CMKLR1: variants seen among roughly 807,000 people sequenced by gnomAD.
CMKLR1 encodes chemerin chemokine-like receptor 1, also known as chemerin-like receptor 1.
A neutral mutation model predicts 8.2 loss-of-function variants in CMKLR1; 6 were observed. That is an observed-to-expected ratio of 0.73 (90% CI 0.40 to 1.44). CMKLR1 has a LOEUF of 1.44. CMKLR1 is among the 40% of genes most tolerant of loss of function. The pLI is 0.02. For missense variants in CMKLR1, 429 were observed against 478.0 expected, an observed-to-expected ratio of 0.90 and a Z score of 0.96; for synonymous variants, 178 against 181.2, an observed-to-expected ratio of 0.98 and a Z score of 0.14.
At chr12:108,295,492 C>G (rs779081305) in intron 2 of CMKLR1, among the ~76,000 whole-genome samples, 58 of 152,320 alleles carry the variant, frequency 3.8e-4, no homozygotes, top group Non-Finnish European at 7.4e-4. Context: ...GGTCCCTTCC[C>G]AAAAGGAGCT....
chr12:108,312,242 C>A (rs1419620305), intron 2 of CMKLR1, among the ~76,000 whole-genome samples: 1 of 152,358 alleles, frequency 6.6e-6, no homozygotes, highest in East Asian at 1.9e-4. Flanking sequence ...GGAACCAGGA[C>A]TTGAACTCAG....
intron 2 of CMKLR1, among the ~76,000 whole-genome samples, chr12:108,296,244 G>A (rs971801680): frequency 5.9e-5 from 9 of 152,240 alleles, no homozygotes; most frequent in Non-Finnish European, 1.2e-4. Flanking sequence ...GGGCAAGTCA[G>A]TTACCTTCTT....
At chr12:108,316,544 ACC>A in intron 2 of CMKLR1, among the ~76,000 whole-genome samples, 1 of 152,238 alleles carries the variant, frequency 6.6e-6, no homozygotes, top group African/African-American at 2.4e-5. Flanking sequence ...AGGAAGAGAG[ACC>A]CAGAGGCAAG....
rs966859461 is a variant in CMKLR1 at position 108,313,912 on chromosome 12, C to A, written c.-74+16083G>T. Among the ~76,000 whole-genome samples the A allele has an allele frequency of 2.6e-5, 4 of 152,270 alleles. No homozygotes were observed. The East Asian group carries it at 5.8e-4, about 22-fold the overall frequency. ...GGCCCCTGGAGTCACACAGGACAAG[C>A]CAGCCACCTCCCTCCCCAGGCAGCA... is the stretch of plus-strand genomic sequence containing the variant. On this transcript the variant is annotated intron_variant, in intron 2 of 3. Transcript: ENST00000550402.
rs1432921366 is a variant in CMKLR1, at chr12:108,292,680, G to A, written c.283C>T (p.His95Tyr). 8 of 1,614,064 alleles carry A rather than the reference G, an allele frequency of 5.0e-6. No homozygotes were observed. Residue 95 changes from histidine (H) to tyrosine (Y), a missense_variant, in exon 4 of 4, where the codon CAT (histidine) becomes TAT (tyrosine). By Grantham distance (83) the His-to-Tyr change is moderately conservative. Coordinates refer to ENST00000550402, the MANE Select transcript of CMKLR1 (RefSeq NM_001142343.2). ...DFLFNVFLPI[H>Y]ITYAAMDYHW... Reference sequence around the variant, plus strand: ...TAGTCCATGGCGGCATAGGTGATATGGATTGGGAGGAAGACGTTGAACAGG... The same window carrying A: ...TAGTCCATGGCGGCATAGGTGATATAGATTGGGAGGAAGACGTTGAACAGG...
intron 2 of CMKLR1, among the ~76,000 whole-genome samples, chr12:108,326,037 G>A (rs966851467): frequency 2.1e-4 from 32 of 152,228 alleles, no homozygotes; most frequent in African/African-American, 3.9e-4. Flanking sequence ...ACTCACCTCC[G>A]TGACCTCCCA....
chr12:108,306,083 C>G (rs2137310409), intron 2 of CMKLR1, among the ~76,000 whole-genome samples: 1 of 152,364 alleles, frequency 6.6e-6, no homozygotes, highest in East Asian at 1.9e-4. Flanking sequence ...AGATCCCTGT[C>G]TGTTCTGTGC....
At chr12:108,301,316 T>A (rs1474807976) in intron 2 of CMKLR1, among the ~76,000 whole-genome samples, 3 of 151,818 alleles carry the variant, frequency 2.0e-5, no homozygotes, top group Admixed American at 2.0e-4. Context: ...ACCTTATAGA[T>A]CCACCCACTT....
chr12:108,321,663 A>C (rs1171231979), intron 2 of CMKLR1, among the ~76,000 whole-genome samples: 2 of 152,080 alleles, frequency 1.3e-5, no homozygotes, highest in African/African-American at 4.8e-5. Flanking sequence ...TCCAGATCAG[A>C]ACCCACTGCA....
Position 108,291,616 on chromosome 12 carries a change from G to A in CMKLR1, c.*225C>T. ...GAGTCAGTCAAGGCTGGCCTCCCAAGAAGCATAAATTGCTAGTCCAAGGCT... is the reference window on the plus strand; with the variant it reads ...GAGTCAGTCAAGGCTGGCCTCCCAAAAAGCATAAATTGCTAGTCCAAGGCT... On this transcript the variant is annotated 3_prime_UTR_variant, in exon 4 of 4. Coordinates refer to ENST00000550402, the MANE Select transcript of CMKLR1 (RefSeq NM_001142343.2). 3.8e-6 allele frequency: 2 copies of A among 528,534 alleles called. No individual in the cohort carries two copies. The highest frequency in any genetic ancestry group is 5.7e-5 in the South Asian group (2 of 35,120). 32.7% of individuals were successfully genotyped at this position (528,534 alleles called of 1,614,324 possible).
At chr12:108,298,769 G>C (rs1369733259) in intron 2 of CMKLR1, among the ~76,000 whole-genome samples, 3 of 152,232 alleles carry the variant, frequency 2.0e-5, no homozygotes, top group East Asian at 3.8e-4. Flanking sequence ...CCATTCTCCA[G>C]GCCCAGCACC....
chr12:108,337,448 G>A (rs1437716349), intron 1 of CMKLR1, among the ~76,000 whole-genome samples: 1 of 152,150 alleles, frequency 6.6e-6, no homozygotes, highest in Non-Finnish European at 1.5e-5. Flanking sequence ...TTGTGCAGGG[G>A]ACTGAGGATG....
Position 108,304,949 on chromosome 12 carries a change from C to T in CMKLR1, c.-73-11285G>A, listed in dbSNP as rs138747103. ...CATCAGGGAAACTGGAAACATTCCT[C>T]GCTCTGCAAATGACCATGTTTGGCC... is the stretch of plus-strand genomic sequence containing the variant. On this transcript the variant is annotated intron_variant, in intron 2 of 3. Transcript: ENST00000550402. Among the ~76,000 whole-genome samples the T allele has an allele frequency of 2.6e-4, 39 of 152,354 alleles. No homozygotes were observed. The East Asian group carries it at 4.2e-3, about 17-fold the overall frequency.
In CMKLR1 at chr12:108,293,628, C is replaced by A; in HGVS notation, c.-37G>T. The A allele has an allele frequency of 6.5e-7, 1 of 1,549,042 alleles. No individual in the cohort carries two copies. The stretch of plus-strand genomic sequence containing the variant: ...TTGTCTGCAGCTCTCCAATGTGAGT[C>A]CTCAGCCAATCAGTCCCTGTACACA... On this transcript the variant is annotated 5_prime_UTR_variant, in exon 3 of 4. Coordinates refer to ENST00000550402, the MANE Select transcript of CMKLR1 (RefSeq NM_001142343.2).
chr12:108,322,225 T>G (rs1202402527), intron 2 of CMKLR1, among the ~76,000 whole-genome samples: 1 of 152,212 alleles, frequency 6.6e-6, no homozygotes, highest in Non-Finnish European at 1.5e-5. Context: ...GAACTCCTGC[T>G]GGAGCTCAGG....
At chr12:108,325,398 C>G (rs982410708) in intron 2 of CMKLR1, among the ~76,000 whole-genome samples, 1 of 152,206 alleles carries the variant, frequency 6.6e-6, no homozygotes, top group African/African-American at 2.4e-5. Context: ...ATAGCTCAGG[C>G]TGTACACTCA....
intron 1 of CMKLR1, among the ~76,000 whole-genome samples, chr12:108,338,726 T>C (rs1272682837): frequency 6.6e-6 from 1 of 152,222 alleles, no homozygotes; most frequent in African/African-American, 2.4e-5. Flanking sequence ...AGCCTTTCTA[T>C]GCAGCCATGA....
In CMKLR1 at chr12:108,291,470, C is replaced by A. The variant is rs1890962013; in HGVS notation, c.*371G>T. The A allele has an allele frequency of 1.8e-5, 4 of 228,532 alleles. No individual in the cohort carries two copies. Among genetic ancestry groups the A allele is most frequent in the Non-Finnish European group, 3.4e-5 (4 of 116,204 alleles). The allele number at this position is 228,532 out of a possible 1,614,324, so 14.2% of individuals were successfully genotyped here. On this transcript the variant is annotated 3_prime_UTR_variant, in exon 4 of 4. Coordinates refer to ENST00000550402, the MANE Select transcript of CMKLR1 (RefSeq NM_001142343.2). Reference sequence around the variant, plus strand: ...TGCTCTGACCCCCTCACTGCTCACACCAGGAATGGACCTTGGAGAGTGTCA... The same window carrying A: ...TGCTCTGACCCCCTCACTGCTCACAACAGGAATGGACCTTGGAGAGTGTCA...
chr12:108,324,787 G>A (rs1366097036), intron 2 of CMKLR1, among the ~76,000 whole-genome samples: 2 of 151,994 alleles, frequency 1.3e-5, no homozygotes, highest in African/African-American at 2.4e-5. Context: ...TCTGCTGTTG[G>A]GCTCACTTGT....
Sources: allele counts gnomAD v4.1 joint callset (sites outside exome capture counted in the v4.1 genomes callset), GRCh38; gene constraint gnomAD v4.1.1; transcripts MANE v1.5; gene names NCBI Gene and HGNC (gene_info 2026-07-23, HGNC 2026-07-21).